Variants in CSMD3 observed in about 807,000 individuals in gnomAD.
CSMD3 encodes the protein CUB and Sushi multiple domains 3.
In CSMD3, 177 loss-of-function variants were observed where a neutral mutation model predicts 435.2. The observed-to-expected ratio is 0.41, with a 90% CI of 0.36 to 0.46. The LOEUF is 0.46. Ranked by LOEUF, CSMD3 falls within the 20% of genes least tolerant of loss-of-function variation. The pLI, the probability that CSMD3 is intolerant of heterozygous loss-of-function variation, is 0.34. For synonymous variants in CSMD3, 1,656 were observed against 1,520.5 expected (o/e 1.09, Z -2.07); for missense variants, 4,265 against 4,504.6 (o/e 0.95, Z 1.52).
chr8:112,283,426 T>C (rs1407287721), intron 58 of CSMD3, among the ~76,000 whole-genome samples: 1 of 151,766 alleles, frequency 6.6e-6, no homozygotes, highest in African/African-American at 2.4e-5. Flanking sequence ...AGGAAGAAAG[T>C]AAAGATTGCT....
At chr8:113,428,639 A>C (rs2094651127) in intron 1 of CSMD3, among the ~76,000 whole-genome samples, 2 of 151,832 alleles carry the variant, frequency 1.3e-5, no homozygotes, top group Non-Finnish European at 3.0e-5. Flanking sequence ...GCTTATCATA[A>C]AGCATCACAC....
rs757748243 is a variant in CSMD3 at position 113,153,076 on chromosome 8, A to AAAAGAAAGAAAG, written c.709+20634_709+20645dup. ...AGAGAGAAAAAAGAAAAAAGAAAGAAAAAGAAAGAAAGAAAGAAAGAAAGA... is the reference window on the plus strand; with the variant it reads ...AGAGAGAAAAAAGAAAAAAGAAAGAAAAAGAAAGAAAGAAAGAAAGAAAGAAAGAAAGAAAGA... On this transcript the variant is annotated intron_variant, in intron 4 of 70. Coordinates refer to ENST00000297405, the MANE Select transcript of CSMD3 (RefSeq NM_198123.2). Among the ~76,000 whole-genome samples, 380 of 89,198 alleles carry AAAAGAAAGAAAG rather than the reference A, an allele frequency of 4.3e-3. 5 individuals are homozygous for AAAAGAAAGAAAG. Among genetic ancestry groups the AAAAGAAAGAAAG allele is most frequent in the South Asian group, 0.022 (53 of 2,400 alleles). 58.5% of individuals were successfully genotyped at this position (89,198 alleles called of 152,430 possible).
intron 3 of CSMD3, among the ~76,000 whole-genome samples, chr8:113,192,267 A>G (rs149956686): frequency 1.8e-4 from 28 of 151,662 alleles, no homozygotes; most frequent in African/African-American, 6.5e-4. Context: ...TGAGCTACTT[A>G]TTTCTGTTGC....
intron 6 of CSMD3, among the ~76,000 whole-genome samples, chr8:112,978,333 C>T (rs2084929166): frequency 6.6e-6 from 1 of 151,766 alleles, no homozygotes; most frequent in African/African-American, 2.4e-5. Flanking sequence ...CAAATAATCC[C>T]TCGAATTTGA....
chr8:113,431,182 T>A (rs572343160), intron 1 of CSMD3, among the ~76,000 whole-genome samples: 1 of 152,298 alleles, frequency 6.6e-6, no homozygotes, highest in African/African-American at 2.4e-5. Flanking sequence ...AAAGATGAAT[T>A]TGGCAACCGC....
chr8:112,339,934 G>A (rs577910638), intron 42 of CSMD3, among the ~76,000 whole-genome samples: 1 of 152,200 alleles, frequency 6.6e-6, no homozygotes, highest in East Asian at 1.9e-4. Context: ...TAATACGTCA[G>A]TAACAGTGAA....
At chr8:113,020,192 G>C (rs200679448) in intron 5 of CSMD3, among the ~76,000 whole-genome samples, 1 of 120,038 alleles carries the variant, frequency 8.3e-6, no homozygotes, top group Non-Finnish European at 1.7e-5. Context: ...AAAAAAAAAA[G>C]AATATATAAT....
chr8:112,362,629 A>G (rs936717533), intron 38 of CSMD3, among the ~76,000 whole-genome samples: 3 of 152,052 alleles, frequency 2.0e-5, no homozygotes, highest in Admixed American at 6.6e-5. Context: ...AATCAGCAAC[A>G]TAAGCAACCA....
At chr8:112,420,616 A>C in intron 32 of CSMD3, among the ~76,000 whole-genome samples, 1 of 149,380 alleles carries the variant, frequency 6.7e-6, no homozygotes, top group East Asian at 1.9e-4. Flanking sequence ...TATATTTGTG[A>C]AAAAAAATGA....
intron 10 of CSMD3, among the ~76,000 whole-genome samples, chr8:112,876,777 CAAAT>C (rs1357119917): frequency 6.6e-6 from 1 of 151,972 alleles, no homozygotes; most frequent in East Asian, 1.9e-4. Context: ...GCAAGAGAAA[CAAAT>C]AAAGAGTATT....
At chr8:112,282,916 AAG>A (rs1272942669) in intron 58 of CSMD3, among the ~76,000 whole-genome samples, 1 of 152,086 alleles carries the variant, frequency 6.6e-6, no homozygotes, top group African/African-American at 2.4e-5. Flanking sequence ...CTCTTCTCAC[AAG>A]AGTCATTTCC....
chr8:112,425,454 A>G (rs529434375), intron 32 of CSMD3, among the ~76,000 whole-genome samples: 1 of 152,236 alleles, frequency 6.6e-6, no homozygotes, highest in East Asian at 1.9e-4. Flanking sequence ...TATTTGCTGT[A>G]CTCACTTATC....
At chr8:112,447,029 T>C (rs1056371461) in intron 32 of CSMD3, among the ~76,000 whole-genome samples, 1 of 151,466 alleles carries the variant, frequency 6.6e-6, no homozygotes, top group African/African-American at 2.4e-5. Context: ...TGGGAACCAA[T>C]TATTTTAAAG....
chr8:112,781,195 C>G (rs112835473), intron 13 of CSMD3, among the ~76,000 whole-genome samples: 354 of 152,162 alleles, frequency 2.3e-3, no homozygotes, highest in African/African-American at 8.1e-3. Context: ...GAAAGCACTT[C>G]TCTGAAGGAA....
chr8:112,835,362 T>A (rs1246867625), intron 11 of CSMD3, among the ~76,000 whole-genome samples: 1 of 151,968 alleles, frequency 6.6e-6, no homozygotes, highest in Admixed American at 6.6e-5. Flanking sequence ...CCCATTAACA[T>A]GAGTTTTTTA....
At chr8:112,600,338 GC>G (rs1832220468) in intron 22 of CSMD3, among the ~76,000 whole-genome samples, 1 of 152,002 alleles carries the variant, frequency 6.6e-6, no homozygotes, top group Admixed American at 6.5e-5. Flanking sequence ...AAAATAGATT[GC>G]TTTGTTTTCA....
intron 3 of CSMD3, among the ~76,000 whole-genome samples, chr8:113,216,971 G>A (rs1342103728): frequency 6.6e-6 from 1 of 151,748 alleles, no homozygotes; most frequent in South Asian, 2.1e-4. Flanking sequence ...AATGGCAACT[G>A]AGGAACAAAA....
At chr8:113,052,060 TGTA>T (rs2088118149) in intron 5 of CSMD3, among the ~76,000 whole-genome samples, 2 of 152,228 alleles carry the variant, frequency 1.3e-5, no homozygotes, top group African/African-American at 2.4e-5. Flanking sequence ...GCACCTAACT[TGTA>T]GTAAACATTA....
chr8:113,050,063 A>G (rs185386436), intron 5 of CSMD3, among the ~76,000 whole-genome samples: 22 of 152,218 alleles, frequency 1.4e-4, no homozygotes, highest in African/African-American at 5.1e-4. Flanking sequence ...TTGTTGCTTC[A>G]TTTAGAAAAT....
Sources: allele counts gnomAD v4.1 joint callset (sites outside exome capture counted in the v4.1 genomes callset), GRCh38; gene constraint gnomAD v4.1.1; transcripts MANE v1.5; gene names NCBI Gene and HGNC (gene_info 2026-07-23, HGNC 2026-07-21).